NR2E1: variants seen among roughly 807,000 people sequenced by gnomAD.
NR2E1 encodes the protein nuclear receptor subfamily 2 group E member 1.
A neutral mutation model predicts 43.6 loss-of-function variants in NR2E1; 5 were observed. The observed-to-expected ratio is 0.11, with a 90% CI of 0.06 to 0.24. The LOEUF (loss-of-function observed/expected upper bound fraction) is 0.24. NR2E1 is among the 10% of genes least tolerant of loss of function. The pLI, the probability that NR2E1 is intolerant of heterozygous loss-of-function variation, is 1.00. For synonymous variants in NR2E1, 191 were observed against 195.5 expected (o/e 0.98, Z 0.19); for missense variants, 287 against 496.7 (o/e 0.58, Z 4.01).
At chr6:108,178,018 A>C (rs968498311) in intron 4 of NR2E1, 77 bp from the exon 5 acceptor site, 63 of 1,477,018 alleles carry the variant, frequency 4.3e-5, no homozygotes, top group Admixed American at 3.3e-5. Context: ...TGCTTTAATT[A>C]GAAATTAAAA....
In NR2E1 at chr6:108,169,831, G is replaced by C. The variant is rs889504367; in HGVS notation, c.26-1627G>C. Among the ~76,000 whole-genome samples the C allele has an allele frequency of 6.6e-6, 1 of 152,010 alleles. No homozygotes were observed. Among genetic ancestry groups the C allele is most frequent in the Admixed American group, 6.6e-5 (1 of 15,258 alleles). On this transcript the variant is annotated intron_variant, in intron 1 of 8. Transcript: ENST00000368986. The surrounding 1 kb of genome is among the most constrained non-coding windows in gnomAD (Gnocchi z 6.1). ...GCCGCGCCGCGCGCCTCCCCTGCCC[G>C]CCTTTGTCGCCGTCCGAATTCCCAT...
intron 1 of NR2E1, among the ~76,000 whole-genome samples, chr6:108,170,378 C>A (rs545867412): frequency 1.5e-4 from 23 of 152,264 alleles, no homozygotes; most frequent in African/African-American, 5.3e-4. Context: ...CGGGAGGAAG[C>A]ATTTCTAAGT....
intron 8 of NR2E1, among the ~76,000 whole-genome samples, chr6:108,186,990 A>C (rs539916107): frequency 6.6e-6 from 1 of 152,224 alleles, no homozygotes; most frequent in South Asian, 2.1e-4. Context: ...CCTTAAATTT[A>C]TTATTTGGCT....
chr6:108,175,132 T>C lies in NR2E1; in HGVS notation c.259+209T>C, dbSNP rs544725282. On this transcript the variant is annotated intron_variant, in intron 3 of 8. Transcript: ENST00000368986. Reference sequence around the variant, plus strand: ...CTAGAATTCCCCAGGGCAAGACCCATGCCCACATCAGGAACTTGCGCCCCA... The same window carrying C: ...CTAGAATTCCCCAGGGCAAGACCCACGCCCACATCAGGAACTTGCGCCCCA... Among the ~76,000 whole-genome samples the C allele has an allele frequency of 6.6e-4, 100 of 152,240 alleles. 1 individual carries two copies. The Middle Eastern group carries it at 0.024, about 36-fold the overall frequency.
chr6:108,167,708 T>A (rs567488499), intron 1 of NR2E1, among the ~76,000 whole-genome samples: 1 of 152,100 alleles, frequency 6.6e-6, no homozygotes, highest in Non-Finnish European at 1.5e-5. Context: ...GGCTGGGGAC[T>A]ACCGTTGCCG....
chr6:108,180,773 A>G lies in NR2E1; in HGVS notation c.740-34A>G, dbSNP rs763670979. 1 of 1,604,820 alleles carries G rather than the reference A, an allele frequency of 6.2e-7. No homozygotes were observed. The highest frequency in any genetic ancestry group is 8.5e-7 in the Non-Finnish European group (1 of 1,171,622). ...AATATTAAATCATGAAAATGCCTTC[A>G]TATTAGAGTATTTATCCCATATTTT... On this transcript the variant is annotated intron_variant, in intron 6 of 8. Transcript: ENST00000368986. The surrounding 1 kb of genome is among the most constrained non-coding windows in gnomAD (Gnocchi z 5.4).
chr6:108,171,684 T>C, intron 2 of NR2E1, 81 bp downstream of exon 2: 1 of 1,580,202 alleles, frequency 6.3e-7, no homozygotes, highest in Middle Eastern at 1.7e-4. Flanking sequence ...CTCCTCTGAG[T>C]TTCCACGCAG....
At chr6:108,171,385 C>A in intron 1 of NR2E1, 73 bp from the exon 2 acceptor site, 1 of 1,527,678 alleles carries the variant, frequency 6.5e-7, no homozygotes, top group Non-Finnish European at 9.1e-7. Context: ...TCCCTCTCCC[C>A]TTTTCTCCCT....
At chr6:108,171,365 C>A in intron 1 of NR2E1, 93 bp from the exon 2 acceptor site, 1 of 1,323,030 alleles carries the variant, frequency 7.6e-7, no homozygotes, top group Non-Finnish European at 1.1e-6. Context: ...GATTGCTTAG[C>A]ATCTCTCTCT....
At position 108,167,995 on chromosome 6, in the gene NR2E1, CA is replaced by C. The variant is rs1186248117; in HGVS notation, c.25+1209del. On this transcript the variant is annotated intron_variant, in intron 1 of 8. Transcript: ENST00000368986. ...GGTGCTGACCTTTAAAAAATTAGAG[CA>C]AAATGAACGTGAACAAAAAGAAAAG... The C allele has an allele frequency of 2.6e-6, 4 of 1,563,502 alleles. No individual in the cohort carries two copies. The Admixed American group carries it at 5.8e-5, about 23-fold the overall frequency.
intron 8 of NR2E1, among the ~76,000 whole-genome samples, chr6:108,186,535 G>A (rs904166438): frequency 1.3e-5 from 2 of 152,156 alleles, no homozygotes; most frequent in African/African-American, 4.8e-5. Context: ...TTTCAGTGGA[G>A]GGAGCTCTCC....
chr6:108,185,944 C>CT (rs774309138), intron 8 of NR2E1, among the ~76,000 whole-genome samples: 2 of 152,158 alleles, frequency 1.3e-5, no homozygotes, highest in African/African-American at 2.4e-5. Context: ...TGGGTGGATG[C>CT]TGCAGATGGC....
intron 1 of NR2E1, chr6:108,168,156 C>G (rs201897155): frequency 4.1e-5 from 65 of 1,589,018 alleles, no homozygotes; most frequent in Non-Finnish European, 5.0e-5. Context: ...GTTGGAATCT[C>G]CAGGAGGTAA....
intron 1 of NR2E1, chr6:108,167,878 C>A: frequency 1.4e-6 from 1 of 699,360 alleles, no homozygotes; most frequent in Admixed American, 3.0e-5. Flanking sequence ...CTTCTGAGGA[C>A]TGGTAATGAA....
intron 5 of NR2E1, chr6:108,178,728 G>C (rs770364940): frequency 3.1e-5 from 7 of 226,936 alleles, no homozygotes; most frequent in African/African-American, 6.8e-5. Context: ...GTCATTAATT[G>C]ATAAGCATGT....
chr6:108,167,881 G>T (rs537791536), intron 1 of NR2E1: 237 of 728,940 alleles, frequency 3.3e-4, no homozygotes, highest in Non-Finnish European at 4.9e-4. Flanking sequence ...CTGAGGACTG[G>T]TAATGAAGTC....
intron 1 of NR2E1, chr6:108,168,103 G>A (rs1156823410): frequency 6.2e-7 from 1 of 1,604,614 alleles, no homozygotes. Flanking sequence ...CCTGGCCCAG[G>A]ACTGGGTTTC....
At position 108,169,782 on chromosome 6, in the gene NR2E1, G is replaced by A. The variant is rs937349631; in HGVS notation, c.26-1676G>A. 6.6e-6 allele frequency among the ~76,000 whole-genome samples: 1 copy of A among 152,040 alleles called. No individual in the cohort carries two copies. The highest frequency in any genetic ancestry group is 2.4e-5 in the African/African-American group (1 of 41,420). ...CACAATCTCCCCTCCCGCCCTGTGG[G>A]AGGGGGGCGCCGAGCCGGTGGCCGC... On this transcript the variant is annotated intron_variant, in intron 1 of 8. Transcript: ENST00000368986. This position sits in a 1 kb window ranked among gnomAD's most constrained non-coding sequence, Gnocchi z 6.1.
intron 2 of NR2E1, 50 bp downstream of exon 2, chr6:108,171,653 C>T (rs890282554): frequency 1.2e-6 from 2 of 1,611,404 alleles, no homozygotes; most frequent in Admixed American, 1.7e-5. Flanking sequence ...TGCCTCCTCA[C>T]TCTTTTGTTT....
Sources: gnomAD v4.1 joint callset for allele counts (sites outside exome capture counted in the v4.1 genomes callset) on GRCh38, gnomAD v4.1.1 for gene constraint, Gnocchi (gnomAD v3.1) non-coding constraint, MANE v1.5 for transcripts, NCBI Gene and HGNC (gene_info 2026-07-23, HGNC 2026-07-21) for gene names.